SDK1: variants seen among roughly 807,000 people sequenced by gnomAD.
SDK1 encodes the protein protein sidekick-1.
SDK1 carries 157 observed loss-of-function variants against 245.5 expected under a neutral mutation model. The ratio of observed to expected loss-of-function variants is 0.64; its 90% confidence interval spans 0.56 to 0.73. SDK1 has a LOEUF of 0.73. Ranked by LOEUF, SDK1 falls within the 30% of genes least tolerant of loss-of-function variation. SDK1 has a pLI of 0.00. For synonymous variants in SDK1, 1,647 were observed against 1,278.5 expected, an observed-to-expected ratio of 1.29 and a Z score of -6.15; for missense variants, 3,583 against 3,002.3, an observed-to-expected ratio of 1.19 and a Z score of -4.52.
At chr7:3,574,873 C>A (rs769586444) in intron 1 of SDK1, among the ~76,000 whole-genome samples, 20 of 152,052 alleles carry the variant, frequency 1.3e-4, no homozygotes, top group African/African-American at 4.8e-4. Context: ...ACCAATTTTA[C>A]AAATTACACG....
intron 13 of SDK1, among the ~76,000 whole-genome samples, chr7:3,978,973 A>G (rs981661793): frequency 6.6e-6 from 1 of 152,178 alleles, no homozygotes; most frequent in South Asian, 2.1e-4. Flanking sequence ...CCCGAGTTTT[A>G]CACTTAGCAC....
chr7:3,632,968 C>T (rs7811339), intron 2 of SDK1, among the ~76,000 whole-genome samples: 56,310 of 151,912 alleles, frequency 0.37, 11,579 homozygotes, highest in African/African-American at 0.55. Context: ...AGAAAACTTA[C>T]AAAAATAAAA....
intron 17 of SDK1, among the ~76,000 whole-genome samples, chr7:4,037,386 AG>A (rs1287888871): frequency 2.0e-5 from 3 of 152,036 alleles, no homozygotes; most frequent in Non-Finnish European, 4.4e-5. Context: ...TGGGAGGATG[AG>A]GTGGGGGGAT....
intron 35 of SDK1, among the ~76,000 whole-genome samples, chr7:4,184,646 G>A (rs1342079887): frequency 6.6e-6 from 1 of 152,234 alleles, no homozygotes; most frequent in Non-Finnish European, 1.5e-5. Flanking sequence ...AACTCAGAGA[G>A]GAAGGATAAT....
rs1332480860 is a variant in SDK1 at position 4,237,675 on chromosome 7, G to A, written c.6021G>A (p.Glu2007=). The part of the protein sequence containing the change: ...SAQVEAPFYE[E]WWFLLVMALS... ...AAGTGGAAGCCCCATTCTACGAGGA[G>A]TGGTGGTTCCTCCTGGTGATGGCTC... The change falls in exon 42 of 45, where the codon GAG becomes GAA. Residue 2007 remains glutamate, a synonymous_variant. Coordinates refer to ENST00000404826, the MANE Select transcript of SDK1 (RefSeq NM_152744.4). 1 of 1,614,046 alleles carries A rather than the reference G, an allele frequency of 6.2e-7. No homozygotes were observed. Among genetic ancestry groups the A allele is most frequent in the African/African-American group, 1.3e-5 (1 of 74,926 alleles).
At chr7:4,226,742 A>C (rs957070887) in intron 40 of SDK1, among the ~76,000 whole-genome samples, 6 of 152,178 alleles carry the variant, frequency 3.9e-5, no homozygotes, top group Non-Finnish European at 7.3e-5. Flanking sequence ...GAAACTATGC[A>C]CTGGACATAT....
At chr7:3,561,051 G>A (rs1779736188) in intron 1 of SDK1, among the ~76,000 whole-genome samples, 1 of 152,078 alleles carries the variant, frequency 6.6e-6, no homozygotes, top group Non-Finnish European at 1.5e-5. Context: ...TATGTGGTGA[G>A]GATATTGAAT....
In SDK1 at chr7:4,075,016, G is replaced by A. The variant is rs115582874; in HGVS notation, c.3011-1982G>A. Among the ~76,000 whole-genome samples the A allele has an allele frequency of 6.6e-3, 990 of 150,348 alleles. 19 individuals are homozygous for A. Among genetic ancestry groups the A allele is most frequent in the African/African-American group, 0.022 (902 of 40,496 alleles). Reference sequence around the variant, plus strand: ...CCTTCTCCCCTCTCCCTGGGAGGAGGAAAAGGAGACCAGGACCTGAGAAGC... The same window carrying A: ...CCTTCTCCCCTCTCCCTGGGAGGAGAAAAAGGAGACCAGGACCTGAGAAGC... On this transcript the variant is annotated intron_variant, in intron 20 of 44. Transcript: ENST00000404826.
chr7:4,184,582 T>A (rs113340847), intron 35 of SDK1, among the ~76,000 whole-genome samples: 2 of 152,252 alleles, frequency 1.3e-5, no homozygotes, highest in African/African-American at 4.8e-5. Context: ...ATGTTCAGAA[T>A]AGATGATCTC....
intron 3 of SDK1, among the ~76,000 whole-genome samples, chr7:3,640,807 C>T (rs1236105711): frequency 6.6e-6 from 1 of 152,040 alleles, no homozygotes; most frequent in Non-Finnish European, 1.5e-5. Context: ...CTTCAGCCTC[C>T]TGAGCAGCTG....
At chr7:3,619,362 T>G in intron 2 of SDK1, 123 bp downstream of exon 2, 1 of 757,876 alleles carries the variant, frequency 1.3e-6, no homozygotes, top group East Asian at 2.7e-5. Flanking sequence ...CATTCAAGAT[T>G]AAAGGAATAG....
chr7:4,144,145 A>C (rs1779787208), intron 28 of SDK1, among the ~76,000 whole-genome samples: 1 of 150,190 alleles, frequency 6.7e-6, no homozygotes, highest in African/African-American at 2.4e-5. Flanking sequence ...GGCGTGGGGG[A>C]AGGGGAGGCC....
At position 3,967,394 on chromosome 7, in the gene SDK1, G is replaced by C. The variant is rs142554459; in HGVS notation, c.1506G>C (p.Glu502Asp). 3.7e-6 allele frequency: 6 copies of C among 1,614,028 alleles called. No homozygotes were observed. The highest frequency in any genetic ancestry group is 5.1e-6 in the Non-Finnish European group (6 of 1,180,008). ...TDGMTAILRC[E>D]VSGAPKPAIT... ...GGATGACAGCCATTCTAAGGTGTGA[G>C]GTGTCCGGGGCTCCCAAACCCGCCA... The change falls in exon 10 of 45, where the codon GAG becomes GAC. Residue 502 changes from glutamate to aspartate, a missense_variant. Glu to Asp is a conservative substitution (Grantham distance 45). Transcript: ENST00000404826.
intron 1 of SDK1, among the ~76,000 whole-genome samples, chr7:3,582,030 T>C (rs963587452): frequency 6.0e-5 from 9 of 150,006 alleles, no homozygotes; most frequent in East Asian, 5.9e-4. Context: ...CTCAGGTAGA[T>C]CTGTCTCAGG....
chr7:4,139,017 C>G (rs1297929889), intron 28 of SDK1, among the ~76,000 whole-genome samples: 1 of 152,256 alleles, frequency 6.6e-6, no homozygotes, highest in Non-Finnish European at 1.5e-5. Flanking sequence ...CCTTAGCCAA[C>G]CGCTGAGAGG....
At chr7:3,544,437 G>C (rs1444182455) in intron 1 of SDK1, among the ~76,000 whole-genome samples, 1 of 152,244 alleles carries the variant, frequency 6.6e-6, no homozygotes, top group Non-Finnish European at 1.5e-5. Flanking sequence ...GATGTGGCCT[G>C]GGTCCCGGCC....
At chr7:3,403,871 T>TA (rs1778977751) in intron 1 of SDK1, among the ~76,000 whole-genome samples, 3 of 112,122 alleles carry the variant, frequency 2.7e-5, no homozygotes, top group African/African-American at 6.6e-5. Flanking sequence ...ATATATATAA[T>TA]ATATATATTT....
At chr7:3,464,329 G>C (rs1375703563) in intron 1 of SDK1, among the ~76,000 whole-genome samples, 2 of 152,128 alleles carry the variant, frequency 1.3e-5, no homozygotes, top group Non-Finnish European at 2.9e-5. Flanking sequence ...TTCTAGGCCA[G>C]CCTGAGTAAC....
At chr7:3,928,636 G>A (rs537729479) in intron 5 of SDK1, among the ~76,000 whole-genome samples, 42 of 152,078 alleles carry the variant, frequency 2.8e-4, no homozygotes, top group African/African-American at 8.9e-4. Flanking sequence ...TTTTTGGGGG[G>A]GGTGGGTGGA....
Sources: allele counts gnomAD v4.1 joint callset (sites outside exome capture counted in the v4.1 genomes callset), GRCh38; gene constraint gnomAD v4.1.1; transcripts MANE v1.5; gene names NCBI Gene and HGNC (gene_info 2026-07-23, HGNC 2026-07-21).